Variants in PDE10A observed in about 807,000 individuals in gnomAD.
The protein encoded by PDE10A is cAMP and cAMP-inhibited cGMP 3',5'-cyclic phosphodiesterase 10A.
A neutral mutation model predicts 97.7 loss-of-function variants in PDE10A; 39 were observed. The ratio of observed to expected loss-of-function variants is 0.40; its 90% CI spans 0.31 to 0.52. The LOEUF (loss-of-function observed/expected upper bound fraction) is 0.52. PDE10A is among the 20% of genes least tolerant of loss of function. The probability of loss-of-function intolerance (pLI) is 0.56; values close to 1 mark genes in which losing one functional copy is unlikely to be tolerated. For synonymous variants in PDE10A, 371 were observed against 376.8 expected (o/e 0.98, Z 0.18); for missense variants, 731 against 1,047.8 (o/e 0.70, Z 4.17).
chr6:165,764,847 C>T (rs556152171), intron 1 of PDE10A, among the ~76,000 whole-genome samples: 27 of 152,280 alleles, frequency 1.8e-4, no homozygotes, highest in African/African-American at 5.8e-4. Flanking sequence ...ACTGCTGGCT[C>T]GGGCAGCCTG....
chr6:165,526,761 C>T (rs1782472267), intron 2 of PDE10A, among the ~76,000 whole-genome samples: 1 of 152,188 alleles, frequency 6.6e-6, no homozygotes, highest in African/African-American at 2.4e-5. Context: ...TGGTATGCAG[C>T]CACTGACTTA....
In PDE10A at chr6:165,445,737, A is replaced by G. The variant is rs960310821; in HGVS notation, c.1194+3191T>C. ...TAGCCTGAAAATTCATCTCAACCAGATAATTTAGTTTAAAATGGTTTTGGA... is the reference window on the plus strand; with the variant it reads ...TAGCCTGAAAATTCATCTCAACCAGGTAATTTAGTTTAAAATGGTTTTGGA... On this transcript the variant is annotated intron_variant, in intron 5 of 21. Coordinates refer to ENST00000539869, the MANE Select transcript of PDE10A (RefSeq NM_001385079.1). Among the ~76,000 whole-genome samples the G allele has an allele frequency of 2.0e-5, 3 of 152,216 alleles. No homozygotes were observed. The East Asian group carries it at 5.8e-4, about 29-fold the overall frequency.
intron 2 of PDE10A, among the ~76,000 whole-genome samples, chr6:165,531,968 C>G (rs537956): frequency 6.6e-6 from 1 of 151,966 alleles, no homozygotes; most frequent in Admixed American, 6.6e-5. Flanking sequence ...TCATAGCATA[C>G]CACATCAAAA....
chr6:165,858,343 C>T (rs1382426643), intron 1 of PDE10A, among the ~76,000 whole-genome samples: 1 of 152,210 alleles, frequency 6.6e-6, no homozygotes, highest in African/African-American at 2.4e-5. Context: ...GACTAAGAAG[C>T]CCCTCAGGGG....
chr6:165,675,963 T>C (rs536543587), intron 1 of PDE10A, among the ~76,000 whole-genome samples: 10 of 152,246 alleles, frequency 6.6e-5, no homozygotes, highest in Admixed American at 5.2e-4. Flanking sequence ...CTATTCACAA[T>C]AGCAAAGATA....
intron 1 of PDE10A, among the ~76,000 whole-genome samples, chr6:165,872,325 A>G (rs1781225217): frequency 6.6e-6 from 1 of 152,224 alleles, no homozygotes; most frequent in South Asian, 2.1e-4. Context: ...TTAACCTTGT[A>G]GCAAGGAGAC....
intron 1 of PDE10A, 141 bp from the exon 2 acceptor site, chr6:165,543,709 AGCTACT>A (rs953866860): frequency 5.1e-6 from 3 of 590,084 alleles, no homozygotes; most frequent in Non-Finnish European, 8.3e-6. Context: ...GGGAAGGGGA[AGCTACT>A]GCTTAGTGGG....
At chr6:165,660,513 G>A (rs1350738536) in intron 1 of PDE10A, 1 of 152,372 alleles carries the variant, frequency 6.6e-6, no homozygotes, top group East Asian at 1.9e-4. Context: ...ACTCGCCCGT[G>A]CCCGGGAAGC....
chr6:165,594,355 C>G (rs999894086), intron 1 of PDE10A, among the ~76,000 whole-genome samples: 1 of 152,024 alleles, frequency 6.6e-6, no homozygotes, highest in Non-Finnish European at 1.5e-5. Flanking sequence ...CGCATACTGG[C>G]CAAATCTGGG....
Position 165,592,797 on chromosome 6 carries a change from C to T in PDE10A, c.866-49229G>A, listed in dbSNP as rs966575174. On this transcript the variant is annotated intron_variant, in intron 1 of 21. Transcript: ENST00000539869. ...TGGCCATCATTAAAAAGTCAGGAAACAACAGGTGCTGGAGAGGATATGGAG... is the reference window on the plus strand; with the variant it reads ...TGGCCATCATTAAAAAGTCAGGAAATAACAGGTGCTGGAGAGGATATGGAG... 3.9e-5 allele frequency among the ~76,000 whole-genome samples: 6 copies of T among 152,168 alleles called. No individual in the cohort carries two copies. The South Asian group carries it at 6.2e-4, about 16-fold the overall frequency.
intron 1 of PDE10A, among the ~76,000 whole-genome samples, chr6:165,783,963 T>C (rs1462767298): frequency 6.6e-6 from 1 of 152,126 alleles, no homozygotes; most frequent in East Asian, 1.9e-4. Flanking sequence ...CTCACGCATG[T>C]AATCTCAGCA....
At chr6:165,621,897 G>A (rs1788157444) in intron 1 of PDE10A, among the ~76,000 whole-genome samples, 1 of 152,150 alleles carries the variant, frequency 6.6e-6, no homozygotes, top group Non-Finnish European at 1.5e-5. Flanking sequence ...AAGACAGCTA[G>A]GCTGGACCAT....
intron 1 of PDE10A, among the ~76,000 whole-genome samples, chr6:165,927,886 G>A (rs904786741): frequency 1.3e-5 from 2 of 149,864 alleles, no homozygotes; most frequent in East Asian, 3.9e-4. Flanking sequence ...TAGTAGAGAC[G>A]GGGTTTCACC....
At chr6:165,644,936 TTAAA>T (rs1372909474) in intron 1 of PDE10A, among the ~76,000 whole-genome samples, 1 of 152,224 alleles carries the variant, frequency 6.6e-6, no homozygotes. Context: ...TGAGTGCTTT[TTAAA>T]AAATCATACA....
At chr6:165,961,084 TCTC>T (rs1784345872) in intron 1 of PDE10A, among the ~76,000 whole-genome samples, 1 of 148,822 alleles carries the variant, frequency 6.7e-6, no homozygotes, top group African/African-American at 2.4e-5. Flanking sequence ...AGCCTGTCGA[TCTC>T]CAGTCCGAGG....
At chr6:165,650,368 C>A (rs1232774435) in intron 1 of PDE10A, among the ~76,000 whole-genome samples, 2 of 152,186 alleles carry the variant, frequency 1.3e-5, no homozygotes, top group African/African-American at 4.8e-5. Flanking sequence ...AGGACCCCTT[C>A]TCCCCTCCAC....
At chr6:165,580,450 A>G (rs1306590746) in intron 1 of PDE10A, among the ~76,000 whole-genome samples, 1 of 152,234 alleles carries the variant, frequency 6.6e-6, no homozygotes. Context: ...GTTTTTGTCA[A>G]TTAGTGAAAG....
Position 165,510,941 on chromosome 6 carries a change from AT to A in PDE10A, c.995-28599del, listed in dbSNP as rs377680652. On this transcript the variant is annotated intron_variant, in intron 2 of 21. Coordinates refer to ENST00000539869, the MANE Select transcript of PDE10A (RefSeq NM_001385079.1). ...CTCTTAGTCTAACTAATGGTTTATCATTTTTTTTTAACTTTTCCAAAACCCA... is the reference window on the plus strand; with the variant it reads ...CTCTTAGTCTAACTAATGGTTTATCATTTTTTTTAACTTTTCCAAAACCCA... Among the ~76,000 whole-genome samples, 953 of 149,350 alleles carry A rather than the reference AT, an allele frequency of 6.4e-3. 9 individuals are homozygous for A. Among genetic ancestry groups the A allele is most frequent in the African/African-American group, 0.022 (884 of 40,764 alleles).
intron 1 of PDE10A, among the ~76,000 whole-genome samples, chr6:165,867,035 AGAAAG>A (rs1451677012): frequency 6.6e-6 from 1 of 152,070 alleles, no homozygotes; most frequent in East Asian, 1.9e-4. Flanking sequence ...AATGAGAAAT[AGAAAG>A]GAGTTAAATG....
Sources: gnomAD v4.1 joint callset for allele counts (sites outside exome capture counted in the v4.1 genomes callset) on GRCh38, gnomAD v4.1.1 for gene constraint, MANE v1.5 for transcripts, NCBI Gene and HGNC (gene_info 2026-07-23, HGNC 2026-07-21) for gene names.